DYNC2I1: variants seen among roughly 807,000 people sequenced by gnomAD.
The protein encoded by DYNC2I1 is dynein 2 intermediate chain 1, also known as cytoplasmic dynein 2 intermediate chain 1.
Under a neutral mutation model 133.4 loss-of-function variants are expected in DYNC2I1, and 89 were observed. The ratio of observed to expected loss-of-function variants is 0.67; its 90% CI spans 0.56 to 0.80. The LOEUF (loss-of-function observed/expected upper bound fraction) is 0.80, where lower values mean the gene tolerates loss of function less well. Ranked by LOEUF, DYNC2I1 falls within the 30% of genes least tolerant of loss-of-function variation. The probability of loss-of-function intolerance (pLI) is 0.00; values close to 1 mark genes in which losing one functional copy is unlikely to be tolerated. For missense variants in DYNC2I1, 1,291 were observed against 1,314.5 expected (o/e 0.98, Z 0.28); for synonymous variants, 504 against 484.3 (o/e 1.04, Z -0.54).
intron 4 of DYNC2I1, among the ~76,000 whole-genome samples, chr7:158,951,654 C>T (rs545384782): frequency 2.1e-4 from 32 of 152,302 alleles, no homozygotes; most frequent in South Asian, 4.1e-4. Context: ...GGGCAGGGAG[C>T]GGAGAAGTGA....
At chr7:158,908,661 G>C (rs1337967535) in intron 11 of DYNC2I1, among the ~76,000 whole-genome samples, 2 of 152,198 alleles carry the variant, frequency 1.3e-5, no homozygotes, top group African/African-American at 4.8e-5. Flanking sequence ...TTCCTTAGGT[G>C]TTGGAAGAGC....
chr7:158,957,582 A>T (rs907258773), downstream of DYNC2I1, among the ~76,000 whole-genome samples: 2 of 152,138 alleles, frequency 1.3e-5, no homozygotes, highest in African/African-American at 4.8e-5. Context: ...ACGGGCTATG[A>T]GGAACCGGCC....
intron 21 of DYNC2I1, among the ~76,000 whole-genome samples, chr7:158,933,680 G>C (rs1286014528): frequency 6.6e-6 from 1 of 152,220 alleles, no homozygotes; most frequent in African/African-American, 2.4e-5. Context: ...ACCCCCTGGT[G>C]GGTAAAGATA....
At chr7:158,933,269 G>GA (rs1190531657) in intron 21 of DYNC2I1, among the ~76,000 whole-genome samples, 3 of 152,158 alleles carry the variant, frequency 2.0e-5, no homozygotes. Flanking sequence ...AAAAGGAAAG[G>GA]AAAATCTCTA....
chr7:158,919,018 G>T, intron 15 of DYNC2I1, 149 bp downstream of exon 15: 4 of 1,000,018 alleles, frequency 4.0e-6, no homozygotes, highest in Non-Finnish European at 5.5e-6. Context: ...GAATTCAAAA[G>T]TGAGTGGTTT....
intron 24 of DYNC2I1, among the ~76,000 whole-genome samples, chr7:158,943,294 C>G (rs1176535798): frequency 6.6e-6 from 1 of 152,216 alleles, no homozygotes; most frequent in African/African-American, 2.4e-5. Flanking sequence ...ATGTCCATGC[C>G]TGCGTTACAG....
In DYNC2I1 at chr7:158,871,210, G is replaced by A; in HGVS notation, c.138G>A (p.Glu46=). The change falls in exon 3 of 25, where the codon GAG becomes GAA. Residue 46 remains glutamate (E), a synonymous_variant. Coordinates refer to ENST00000407559, the MANE Select transcript of DYNC2I1 (RefSeq NM_018051.5). ...HREKKLRKES[E]MDLPEHKEPR... is the part of the protein sequence containing the mutation. ...AGAAGAAGCTGCGTAAGGAGTCTGA[G>A]ATGGACCTTCCTGAACATAAGGAGC... The A allele has an allele frequency of 6.2e-7, 1 of 1,613,790 alleles. No individual in the cohort carries two copies. Among genetic ancestry groups the A allele is most frequent in the Non-Finnish European group, 8.5e-7 (1 of 1,179,770 alleles).
chr7:158,946,493 C>T (rs762624517), downstream of DYNC2I1, among the ~76,000 whole-genome samples: 20 of 152,364 alleles, frequency 1.3e-4, 1 homozygote, highest in Middle Eastern at 3.4e-3. Context: ...TGGTCAGCTG[C>T]CCTCTGCTTT....
chr7:158,871,168 A>G lies in DYNC2I1; in HGVS notation c.96A>G (p.Glu32=). The change falls in exon 3 of 25, where the codon GAA becomes GAG. Residue 32 remains glutamate, a synonymous_variant. Transcript: ENST00000407559. ...CCATACAGTCAGGTGGTTCCAAGGA[A>G]GAAAGAAAGCACAGAGAGAAGAAGC... The part of the protein sequence containing the change: ...LWAIQSGGSK[E]ERKHREKKLR... 1.2e-6 allele frequency: 2 copies of G among 1,613,454 alleles called. No homozygotes were observed. Among genetic ancestry groups the G allele is most frequent in the South Asian group, 2.2e-5 (2 of 91,044 alleles).
intron 24 of DYNC2I1, among the ~76,000 whole-genome samples, chr7:158,943,792 C>G (rs1435463149): frequency 1.3e-5 from 2 of 152,134 alleles, no homozygotes; most frequent in African/African-American, 4.8e-5. Context: ...TGCTAGGGAC[C>G]TCAGCTTCAA....
At chr7:158,916,679 G>A (rs1319141687) in intron 14 of DYNC2I1, among the ~76,000 whole-genome samples, 2 of 75,834 alleles carry the variant, frequency 2.6e-5, no homozygotes, top group East Asian at 5.6e-4. Flanking sequence ...TCGACACGGT[G>A]GTTGAGATTA....
chr7:158,889,065 A>ACACACACC (rs995160680), intron 7 of DYNC2I1, among the ~76,000 whole-genome samples: 4 of 120,284 alleles, frequency 3.3e-5, no homozygotes, highest in African/African-American at 1.3e-4. Context: ...ACACACACAC[A>ACACACACC]CCCCTCCTGT....
intron 1 of DYNC2I1, among the ~76,000 whole-genome samples, 183 bp downstream of exon 1, chr7:158,856,933 G>T (rs1477233958): frequency 3.3e-5 from 5 of 152,026 alleles, no homozygotes; most frequent in African/African-American, 9.7e-5. Context: ...CTGGCCGTCG[G>T]CGCGAGGGAT....
At chr7:158,897,074 C>T (rs1374694653) in intron 8 of DYNC2I1, among the ~76,000 whole-genome samples, 1 of 151,128 alleles carries the variant, frequency 6.6e-6, no homozygotes, top group Non-Finnish European at 1.5e-5. Flanking sequence ...GCCTCCACCT[C>T]CTGGGTTCAA....
intron 23 of DYNC2I1, among the ~76,000 whole-genome samples, chr7:158,935,943 A>G (rs532659264): frequency 6.6e-6 from 1 of 152,178 alleles, no homozygotes; most frequent in East Asian, 1.9e-4. Context: ...CCCAAATCCC[A>G]GCACTTCGGG....
intron 4 of DYNC2I1, among the ~76,000 whole-genome samples, chr7:158,956,073 C>T (rs938581309): frequency 6.6e-6 from 1 of 152,230 alleles, no homozygotes; most frequent in Non-Finnish European, 1.5e-5. Context: ...GAGGCAATGG[C>T]TTAAATGATT....
At chr7:158,954,109 G>A (rs939336684) in intron 4 of DYNC2I1, among the ~76,000 whole-genome samples, 1 of 152,000 alleles carries the variant, frequency 6.6e-6, no homozygotes, top group Non-Finnish European at 1.5e-5. Flanking sequence ...TATTAAGGGC[G>A]GTTCCCCTGC....
chr7:158,922,460 G>T lies in DYNC2I1; in HGVS notation c.2005G>T (p.Val669Leu). Residue 669 changes from valine to leucine, a missense_variant, in exon 16 of 25, where the codon GTG (valine) becomes TTG (leucine). Transcript: ENST00000407559. ...TCACGACTTACCCGAGAAGAGCTTT[G>T]TGCCCCTGCTGGACAGCAAATACGT... ...SVHDLPEKSFVPLLDSKYVLC... is the reference protein window; with the variant it reads ...SVHDLPEKSFLPLLDSKYVLC... 1 of 1,613,982 alleles carries T rather than the reference G, an allele frequency of 6.2e-7. No homozygotes were observed. Among genetic ancestry groups the T allele is most frequent in the South Asian group, 1.1e-5 (1 of 91,084 alleles).
upstream of DYNC2I1, among the ~76,000 whole-genome samples, chr7:158,856,278 C>T (rs564764239): frequency 6.6e-6 from 1 of 152,266 alleles, no homozygotes; most frequent in East Asian, 1.9e-4. Context: ...TATCTGCTCT[C>T]CCTTTCTATC....
Sources: gnomAD v4.1 joint callset for allele counts (sites outside exome capture counted in the v4.1 genomes callset) on GRCh38, gnomAD v4.1.1 for gene constraint, MANE v1.5 for transcripts, NCBI Gene and HGNC (gene_info 2026-07-23, HGNC 2026-07-21) for gene names.